The following ANK2 variants were observed in gnomAD, a reference collection of about 807,000 sequenced individuals.
ANK2 encodes the protein ankyrin 2, also known as ankyrin-2.
Under a neutral mutation model 360.5 loss-of-function variants are expected in ANK2, and 83 were observed. That is an observed-to-expected ratio of 0.23 (90% CI 0.19 to 0.28). ANK2 has a LOEUF of 0.28. Among genes scored for constraint, ANK2 ranks in the 10% least tolerant of loss-of-function variants. The pLI is 1.00. For missense variants in ANK2, 4,201 were observed against 4,795.7 expected, an observed-to-expected ratio of 0.88 and a Z score of 3.66; for synonymous variants, 1,740 against 1,759.5, an observed-to-expected ratio of 0.99 and a Z score of 0.28.
rs1380717498 is a variant in ANK2, at chr4:113,365,307, T to A, written c.11032+125T>A. 2.9e-6 allele frequency: 3 copies of A among 1,029,836 alleles called. No individual in the cohort carries two copies. The African/African-American group carries it at 4.8e-5, about 16-fold the overall frequency. The allele number at this position is 1,029,836 out of a possible 1,614,324, so 63.8% of individuals were successfully genotyped here. On this transcript the variant is annotated intron_variant, in intron 41 of 45. Transcript: ENST00000357077. ...TTTTCAGAAGGTAGACCATGGCCTATGGTGATCATATGTTCTTTTCCTTGC... is the reference window on the plus strand; with the variant it reads ...TTTTCAGAAGGTAGACCATGGCCTAAGGTGATCATATGTTCTTTTCCTTGC...
At chr4:112,733,331 C>G in the ANK2 span, among the ~76,000 whole-genome samples, 1 of 152,092 alleles carries the variant, frequency 6.6e-6, no homozygotes, top group African/African-American at 2.4e-5. Context: ...ATATTAAGTG[C>G]CTCTCACATG....
the ANK2 span, among the ~76,000 whole-genome samples, chr4:112,733,594 A>T: frequency 1.3e-5 from 2 of 152,226 alleles, no homozygotes; most frequent in Non-Finnish European, 2.9e-5. Flanking sequence ...TTTCACTGAT[A>T]CAGACCCAGC....
intron 1 of ANK2, among the ~76,000 whole-genome samples, chr4:112,830,859 G>A (rs554995696): frequency 1.2e-3 from 180 of 152,182 alleles, no homozygotes; most frequent in Non-Finnish European, 1.9e-3. Flanking sequence ...AGGCCAGCAC[G>A]GGTTCCAGGT....
At chr4:112,959,532 T>C (rs1298260014) in intron 2 of ANK2, among the ~76,000 whole-genome samples, 1 of 152,204 alleles carries the variant, frequency 6.6e-6, no homozygotes, top group African/African-American at 2.4e-5. Flanking sequence ...TTGGGAACTT[T>C]GTGAATAGGT....
At chr4:112,874,080 CTTTT>C (rs544871774) in intron 1 of ANK2, among the ~76,000 whole-genome samples, 5 of 122,128 alleles carry the variant, frequency 4.1e-5, no homozygotes, top group African/African-American at 9.2e-5. Flanking sequence ...TTGGGGTTCT[CTTTT>C]TTTTTTTTTT....
rs2153698851 is a variant in ANK2 at position 113,277,930 on chromosome 4, G to A, written c.1777G>A (p.Gly593Arg). The change falls in exon 16 of 46, where the codon GGG becomes AGG. Residue 593 changes from glycine to arginine, a missense_variant. Around this residue, in one of 4 missense-constraint regions of ANK2, gnomAD observed 1,268 missense variants for 1,650.8 expected, o/e 0.77. Coordinates refer to ENST00000357077, the MANE Select transcript of ANK2 (RefSeq NM_001148.6). ...LQRRAAADSA[G>R]KNGLTPLHVA... is the part of the protein sequence containing the mutation. The stretch of plus-strand genomic sequence containing the variant: ...ACGCCGTGCTGCCGCAGATTCTGCA[G>A]GGAAGGTAAAGATTTTCTATACGTT... The A allele has an allele frequency of 6.2e-7, 1 of 1,613,174 alleles. No homozygotes were observed. Among genetic ancestry groups the A allele is most frequent in the Non-Finnish European group, 8.5e-7 (1 of 1,179,220 alleles).
At chr4:112,710,046 A>T in the ANK2 span, among the ~76,000 whole-genome samples, 2 of 152,188 alleles carry the variant, frequency 1.3e-5, no homozygotes, top group Non-Finnish European at 2.9e-5. Flanking sequence ...ATTTACAGTG[A>T]GCCAAGCATG....
At chr4:112,784,123 C>T in the ANK2 span, among the ~76,000 whole-genome samples, 1 of 151,968 alleles carries the variant, frequency 6.6e-6, no homozygotes, top group Admixed American at 6.6e-5. Flanking sequence ...TTGTGATAAG[C>T]AATGCTTCTA....
intron 2 of ANK2, among the ~76,000 whole-genome samples, chr4:112,924,017 G>A (rs1225124181): frequency 6.6e-6 from 1 of 152,190 alleles, no homozygotes; most frequent in Non-Finnish European, 1.5e-5. Flanking sequence ...AATTAAAAAG[G>A]TGAAGATATA....
intron 1 of ANK2, among the ~76,000 whole-genome samples, chr4:112,880,062 A>T (rs73840921): frequency 1.1e-4 from 17 of 148,290 alleles, no homozygotes; most frequent in South Asian, 2.1e-4. Context: ...ACACACACAC[A>T]CTCTCTCTCT....
intron 2 of ANK2, among the ~76,000 whole-genome samples, chr4:113,193,417 G>A (rs766679388): frequency 2.0e-5 from 3 of 152,252 alleles, no homozygotes; most frequent in East Asian, 1.9e-4. Context: ...TAATCCCACC[G>A]CAGTGAATAA....
intron 1 of ANK2, chr4:113,106,791 C>A: frequency 2.4e-6 from 1 of 421,804 alleles, no homozygotes; most frequent in Non-Finnish European, 4.8e-6. Context: ...CATAGGTGTG[C>A]CAAGCTGACA....
chr4:113,014,826 T>G (rs1349814464), intron 2 of ANK2, among the ~76,000 whole-genome samples: 1 of 151,150 alleles, frequency 6.6e-6, no homozygotes, highest in African/African-American at 2.4e-5. Flanking sequence ...AGACATTGTC[T>G]GTATAGATGT....
intron 2 of ANK2, among the ~76,000 whole-genome samples, chr4:113,030,735 C>A (rs2060223684): frequency 6.6e-6 from 1 of 151,196 alleles, no homozygotes; most frequent in African/African-American, 2.4e-5. Context: ...ACTCTAAGAA[C>A]TAAAAGGTAA....
chr4:113,156,350 T>C (rs568616949), intron 1 of ANK2, among the ~76,000 whole-genome samples: 3 of 136,716 alleles, frequency 2.2e-5, no homozygotes, highest in East Asian at 4.0e-4. Flanking sequence ...CACAAACGTA[T>C]AGAGTATATG....
chr4:112,800,161 C>T, the ANK2 span, among the ~76,000 whole-genome samples: 2 of 152,182 alleles, frequency 1.3e-5, no homozygotes, highest in Non-Finnish European at 2.9e-5. Context: ...GTCGTTCCTT[C>T]TCTCCAAGAG....
At chr4:112,900,972 G>A (rs2083171057) in intron 1 of ANK2, among the ~76,000 whole-genome samples, 1 of 152,184 alleles carries the variant, frequency 6.6e-6, no homozygotes, top group Admixed American at 6.5e-5. Flanking sequence ...GTGGATAATA[G>A]GAGGGTTTTC....
chr4:112,850,560 A>G (rs2064702590), intron 1 of ANK2, among the ~76,000 whole-genome samples: 1 of 94,878 alleles, frequency 1.1e-5, no homozygotes. Flanking sequence ...TCTGTCTCCC[A>G]AGCTGGAGTG....
intron 26 of ANK2, among the ~76,000 whole-genome samples, chr4:113,323,095 TC>T (rs1292472065): frequency 6.6e-6 from 1 of 152,108 alleles, no homozygotes. Flanking sequence ...AAGAGCAGAC[TC>T]ATAGGTAGAA....
Sources: gnomAD v4.1 joint callset for allele counts (sites outside exome capture counted in the v4.1 genomes callset) on GRCh38, gnomAD v4.1.1 for gene constraint, gnomAD v4.1.1 regional missense constraint, MANE v1.5 for transcripts, NCBI Gene and HGNC (gene_info 2026-07-23, HGNC 2026-07-21) for gene names.